The following CTNNA3 variants were observed in gnomAD, a reference collection of about 807,000 sequenced individuals.
CTNNA3 encodes the protein catenin alpha-3.
A neutral mutation model predicts 95.7 loss-of-function variants in CTNNA3; 76 were observed. The ratio of observed to expected loss-of-function variants is 0.79; its 90% CI spans 0.66 to 0.96. CTNNA3 has a LOEUF of 0.96. CTNNA3 is among the 40% of genes least tolerant of loss of function. The probability of loss-of-function intolerance (pLI) is 0.00; values close to 1 mark genes in which losing one functional copy is unlikely to be tolerated. For missense variants in CTNNA3, 1,191 were observed against 1,089.8 expected (o/e 1.09, Z -1.31); for synonymous variants, 431 against 374.4 (o/e 1.15, Z -1.74).
rs555255815 is a variant in CTNNA3 at position 67,750,575 on chromosome 10, A to C, written c.-2+12859T>G. On this transcript the variant is annotated intron_variant, in intron 1 of 17. Transcript: ENST00000684154. Reference sequence around the variant, plus strand: ...GAGGAAAGCCTTTGAGAAGACCCTCAAGGATCTGAAGCTGAGTTATCTGGA... The same window carrying C: ...GAGGAAAGCCTTTGAGAAGACCCTCCAGGATCTGAAGCTGAGTTATCTGGA... 370 of 1,575,202 alleles carry C rather than the reference A, an allele frequency of 2.3e-4. 2 individuals carry two copies. The highest frequency in any genetic ancestry group is 1.9e-3 in the South Asian group (171 of 90,300).
At chr10:67,483,914 C>T (rs1292695084) in intron 5 of CTNNA3, among the ~76,000 whole-genome samples, 1 of 151,790 alleles carries the variant, frequency 6.6e-6, no homozygotes, top group African/African-American at 2.4e-5. Flanking sequence ...AAGCAATCTA[C>T]AGATTCAACA....
chr10:66,755,702 G>C (rs573259347), intron 9 of CTNNA3, among the ~76,000 whole-genome samples: 23 of 152,188 alleles, frequency 1.5e-4, no homozygotes, highest in African/African-American at 5.5e-4. Context: ...TTTATTTACA[G>C]ATAGAAATCT....
chr10:67,005,968 G>A (rs931153586), intron 7 of CTNNA3, among the ~76,000 whole-genome samples: 1 of 151,922 alleles, frequency 6.6e-6, no homozygotes, highest in African/African-American at 2.4e-5. Context: ...TTACAAGCGT[G>A]AGCCATCGCA....
At chr10:66,459,749 G>C (rs1220710089) in intron 11 of CTNNA3, among the ~76,000 whole-genome samples, 9 of 152,138 alleles carry the variant, frequency 5.9e-5, no homozygotes. Flanking sequence ...CACAGGGTAA[G>C]TGTTTATGCA....
chr10:67,185,847 C>T (rs914979324), intron 6 of CTNNA3, among the ~76,000 whole-genome samples: 7 of 151,956 alleles, frequency 4.6e-5, no homozygotes, highest in African/African-American at 1.7e-4. Context: ...TGGTGAAACA[C>T]TGTCTCTACT....
At chr10:66,346,211 G>GTATA (rs368554085) in intron 12 of CTNNA3, among the ~76,000 whole-genome samples, 84 of 105,454 alleles carry the variant, frequency 8.0e-4, no homozygotes, top group African/African-American at 1.9e-3. Context: ...ATGTGTGTGT[G>GTATA]TATATATATA....
intron 2 of CTNNA3, among the ~76,000 whole-genome samples, chr10:67,615,456 A>C (rs1843620411): frequency 6.6e-6 from 1 of 152,182 alleles, no homozygotes; most frequent in Middle Eastern, 3.2e-3. Context: ...GAATAATACC[A>C]AATTAGTTTC....
chr10:67,225,699 C>A (rs1201428000), intron 5 of CTNNA3, among the ~76,000 whole-genome samples: 1 of 152,082 alleles, frequency 6.6e-6, no homozygotes, highest in Non-Finnish European at 1.5e-5. Flanking sequence ...AGGGAACACC[C>A]CTTGGGACAA....
At chr10:66,956,102 C>A (rs947673916) in intron 7 of CTNNA3, among the ~76,000 whole-genome samples, 2 of 152,018 alleles carry the variant, frequency 1.3e-5, no homozygotes, top group Non-Finnish European at 2.9e-5. Context: ...AGGTACCTGA[C>A]CACCCAAGGA....
chr10:67,215,734 CAACA>C, intron 6 of CTNNA3, among the ~76,000 whole-genome samples: 1 of 152,266 alleles, frequency 6.6e-6, no homozygotes, highest in South Asian at 2.1e-4. Flanking sequence ...TTCATTTCTC[CAACA>C]AGGTGGTCAA....
intron 12 of CTNNA3, among the ~76,000 whole-genome samples, chr10:66,306,459 C>T (rs912110793): frequency 1.3e-5 from 2 of 152,074 alleles, no homozygotes; most frequent in Non-Finnish European, 2.9e-5. Context: ...GCACTTTATG[C>T]TATAGCACAG....
At chr10:67,358,553 G>A (rs1842895087) in intron 5 of CTNNA3, among the ~76,000 whole-genome samples, 1 of 152,042 alleles carries the variant, frequency 6.6e-6, no homozygotes, top group Non-Finnish European at 1.5e-5. Context: ...GTCCTGCAAA[G>A]GCCCTAAAGA....
intron 12 of CTNNA3, among the ~76,000 whole-genome samples, chr10:66,346,588 A>C (rs1333240220): frequency 6.6e-6 from 1 of 151,960 alleles, no homozygotes; most frequent in Non-Finnish European, 1.5e-5. Context: ...AATAGTAAAT[A>C]TATTCATAAC....
chr10:67,504,747 C>A (rs959336858), intron 5 of CTNNA3, among the ~76,000 whole-genome samples: 1 of 152,114 alleles, frequency 6.6e-6, no homozygotes, highest in Non-Finnish European at 1.5e-5. Context: ...TAACAAAGGT[C>A]AAACATGTTA....
At chr10:67,124,756 G>A (rs891903109) in intron 7 of CTNNA3, among the ~76,000 whole-genome samples, 1 of 152,130 alleles carries the variant, frequency 6.6e-6, no homozygotes, top group Non-Finnish European at 1.5e-5. Context: ...AATTAATCAT[G>A]AAACATTAAA....
At chr10:66,840,952 GT>G in intron 7 of CTNNA3, among the ~76,000 whole-genome samples, 1 of 152,138 alleles carries the variant, frequency 6.6e-6, no homozygotes, top group Non-Finnish European at 1.5e-5. Flanking sequence ...TGAAAGGAAG[GT>G]TTCTTTCTAA....
At chr10:66,758,934 TCAAA>T (rs36040848) in intron 9 of CTNNA3, among the ~76,000 whole-genome samples, 19 of 151,884 alleles carry the variant, frequency 1.3e-4, no homozygotes, top group South Asian at 4.2e-4. Context: ...GAGACTTGTC[TCAAA>T]CAAACAAACA....
At chr10:67,739,024 T>A (rs1298574874) in intron 1 of CTNNA3, among the ~76,000 whole-genome samples, 1 of 152,150 alleles carries the variant, frequency 6.6e-6, no homozygotes. Context: ...CTCTGCAGGA[T>A]ATTATACAGG....
intron 11 of CTNNA3, among the ~76,000 whole-genome samples, chr10:66,419,113 T>C (rs915748717): frequency 1.3e-5 from 2 of 152,130 alleles, no homozygotes; most frequent in Non-Finnish European, 1.5e-5. Context: ...GATACTCATA[T>C]TTAGAAAAGT....
Sources: allele counts gnomAD v4.1 joint callset (sites outside exome capture counted in the v4.1 genomes callset), GRCh38; gene constraint gnomAD v4.1.1; transcripts MANE v1.5; gene names NCBI Gene and HGNC (gene_info 2026-07-23, HGNC 2026-07-21).